Variants in MTUS2 observed in about 807,000 individuals in gnomAD.
MTUS2 encodes microtubule-associated tumor suppressor candidate 2.
In MTUS2, 40 loss-of-function variants were observed where a neutral mutation model predicts 114.1. That is an observed-to-expected ratio of 0.35 (90% CI 0.27 to 0.46). The LOEUF (loss-of-function observed/expected upper bound fraction) is 0.46, where lower values mean the gene tolerates loss of function less well. Ranked by LOEUF, MTUS2 falls within the 20% of genes least tolerant of loss-of-function variation. The pLI, the probability that MTUS2 is intolerant of heterozygous loss-of-function variation, is 1.00. For missense variants in MTUS2, 1,679 were observed against 1,705.4 expected (o/e 0.98, Z 0.27); for synonymous variants, 688 against 672.0 (o/e 1.02, Z -0.37).
intron 2 of MTUS2, among the ~76,000 whole-genome samples, chr13:28,923,043 C>T (rs563967052): frequency 1.3e-5 from 2 of 152,136 alleles, no homozygotes; most frequent in East Asian, 1.9e-4. Flanking sequence ...TTTATCTTTT[C>T]TCTATTGTTA....
rs910327640 is a variant in MTUS2 at position 29,106,951 on chromosome 13, T to A, written c.2644+5981T>A. Among the ~76,000 whole-genome samples the A allele has an allele frequency of 3.3e-5, 5 of 151,944 alleles. No individual in the cohort carries two copies. The East Asian group carries it at 9.7e-4, about 29-fold the overall frequency. ...ACATATACTCCCAACTAGCCAAATG[T>A]GAGTAACAAAAATGTGTTGCTCACA... On this transcript the variant is annotated intron_variant, in intron 5 of 15. Coordinates refer to ENST00000612955, the MANE Select transcript of MTUS2 (RefSeq NM_001033602.4).
At chr13:28,946,997 A>G (rs1419331745) in intron 2 of MTUS2, among the ~76,000 whole-genome samples, 1 of 152,224 alleles carries the variant, frequency 6.6e-6, no homozygotes, top group African/African-American at 2.4e-5. Flanking sequence ...TGAGGCAGGT[A>G]TTCACATTAG....
intron 4 of MTUS2, among the ~76,000 whole-genome samples, chr13:29,040,162 C>T (rs900860036): frequency 1.3e-5 from 2 of 152,186 alleles, no homozygotes; most frequent in African/African-American, 4.8e-5. Context: ...TTGTATCATT[C>T]TTATGCCTTT....
intron 4 of MTUS2, among the ~76,000 whole-genome samples, chr13:29,068,104 A>G (rs1184311384): frequency 6.6e-6 from 1 of 152,216 alleles, no homozygotes; most frequent in Non-Finnish European, 1.5e-5. Context: ...TGTAAAAGAG[A>G]AGATGGTCTT....
At chr13:28,998,000 A>G (rs1182798322) in intron 2 of MTUS2, among the ~76,000 whole-genome samples, 9 of 152,068 alleles carry the variant, frequency 5.9e-5, no homozygotes, top group Non-Finnish European at 1.5e-5. Context: ...ATTCTTTACA[A>G]TTTGGCATGT....
intron 2 of MTUS2, among the ~76,000 whole-genome samples, chr13:28,987,847 G>C (rs1340769391): frequency 1.3e-5 from 2 of 152,166 alleles, no homozygotes; most frequent in East Asian, 3.9e-4. Context: ...TGGTTAAAAT[G>C]GTACAATTTT....
At chr13:28,914,893 T>C (rs1257054830) in intron 2 of MTUS2, among the ~76,000 whole-genome samples, 1 of 152,012 alleles carries the variant, frequency 6.6e-6, no homozygotes, top group Non-Finnish European at 1.5e-5. Flanking sequence ...AAGCCTGCTT[T>C]GTCAGAAACT....
At chr13:29,047,974 GAATC>G (rs1887714413) in intron 4 of MTUS2, among the ~76,000 whole-genome samples, 1 of 151,884 alleles carries the variant, frequency 6.6e-6, no homozygotes, top group Non-Finnish European at 1.5e-5. Context: ...GTTCATCCAT[GAATC>G]AGTATTTTAT....
intron 2 of MTUS2, among the ~76,000 whole-genome samples, chr13:28,871,581 A>T (rs1406222719): frequency 6.6e-6 from 1 of 152,224 alleles, no homozygotes; most frequent in Non-Finnish European, 1.5e-5. Flanking sequence ...CTACTCTATT[A>T]ATCACTCAGG....
chr13:28,950,045 T>C (rs367710889), intron 2 of MTUS2, among the ~76,000 whole-genome samples: 3 of 152,406 alleles, frequency 2.0e-5, no homozygotes, highest in South Asian at 4.1e-4. Flanking sequence ...TTTTCCACAA[T>C]GGTTGCTCTA....
At chr13:29,047,577 A>G (rs532555655) in intron 4 of MTUS2, among the ~76,000 whole-genome samples, 26 of 150,022 alleles carry the variant, frequency 1.7e-4, no homozygotes, top group African/African-American at 5.9e-4. Context: ...GCAGTGGCGC[A>G]ATCTCGGCTC....
In MTUS2 at chr13:28,820,481, C is replaced by A. The variant is rs750063638; in HGVS notation, c.-446C>A. On this transcript the variant is annotated 5_prime_UTR_variant, in exon 1 of 16. Transcript: ENST00000612955. ...ACCGCTTAGCGGAGTACAGACCTGT[C>A]GGTAAATAGAAAACTCGAGCTGGAG... is the stretch of plus-strand genomic sequence containing the variant. The A allele has an allele frequency of 2.6e-5, 4 of 152,416 alleles. No individual in the cohort carries two copies. The highest frequency in any genetic ancestry group is 4.8e-5 in the African/African-American group (2 of 41,450). 9.4% of individuals were successfully genotyped at this position (152,416 alleles called of 1,614,324 possible).
At chr13:28,829,983 T>A (rs1020240457) in intron 1 of MTUS2, among the ~76,000 whole-genome samples, 1 of 152,160 alleles carries the variant, frequency 6.6e-6, no homozygotes, top group Non-Finnish European at 1.5e-5. Context: ...GTAAACTACC[T>A]GCTGGAGTGT....
chr13:28,894,349 A>T (rs1320543820), intron 2 of MTUS2, among the ~76,000 whole-genome samples: 2 of 88,596 alleles, frequency 2.3e-5, no homozygotes, highest in African/African-American at 5.2e-5. Flanking sequence ...AGAGAGAGAG[A>T]GTGAGAGTGA....
chr13:29,223,947 G>A (rs1354780804), intron 5 of MTUS2, among the ~76,000 whole-genome samples: 7 of 152,212 alleles, frequency 4.6e-5, no homozygotes, highest in Admixed American at 1.3e-4. Flanking sequence ...CGGAACCAGC[G>A]CCTGTGCTGG....
At chr13:29,227,917 T>G (rs1383077430) in intron 5 of MTUS2, among the ~76,000 whole-genome samples, 1 of 152,248 alleles carries the variant, frequency 6.6e-6, no homozygotes, top group African/African-American at 2.4e-5. Context: ...ATTATGTAAC[T>G]TTTGTATTCT....
chr13:28,955,152 A>G (rs1882998323), intron 2 of MTUS2, among the ~76,000 whole-genome samples: 1 of 152,138 alleles, frequency 6.6e-6, no homozygotes, highest in Non-Finnish European at 1.5e-5. Flanking sequence ...AACCTATGAC[A>G]CTGTCTTTTA....
At chr13:29,461,297 C>T (rs1422080382) in intron 9 of MTUS2, among the ~76,000 whole-genome samples, 1 of 152,188 alleles carries the variant, frequency 6.6e-6, no homozygotes, top group East Asian at 1.9e-4. Flanking sequence ...GAGGGCAGAG[C>T]CCTCATGAGT....
At chr13:29,322,545 G>A (rs947607926) in intron 6 of MTUS2, among the ~76,000 whole-genome samples, 2 of 152,136 alleles carry the variant, frequency 1.3e-5, no homozygotes, top group African/African-American at 2.4e-5. Context: ...TGGTGGGGAC[G>A]GCAGACACTA....
Sources: gnomAD v4.1 joint callset for allele counts (sites outside exome capture counted in the v4.1 genomes callset) on GRCh38, gnomAD v4.1.1 for gene constraint, MANE v1.5 for transcripts, NCBI Gene and HGNC (gene_info 2026-07-23, HGNC 2026-07-21) for gene names.